ZNF721: variants seen among roughly 807,000 people sequenced by gnomAD.
The protein encoded by ZNF721 is zinc finger protein 721.
In ZNF721, 2 loss-of-function variants were observed where a neutral mutation model predicts 2.4. That is an observed-to-expected ratio of 0.82 (90% confidence interval 0.34 to 2.58). ZNF721 has a LOEUF of 2.58. Ranked by LOEUF, ZNF721 falls within the 30% of genes most tolerant of loss-of-function variation. The pLI is 0.11. For synonymous variants in ZNF721, 398 were observed against 381.8 expected, an observed-to-expected ratio of 1.04 and a Z score of -0.50; for missense variants, 1,187 against 1,085.5, an observed-to-expected ratio of 1.09 and a Z score of -1.31.
intron 1 of ZNF721, among the ~76,000 whole-genome samples, chr4:485,551 C>T (rs1307711388): frequency 3.9e-5 from 6 of 152,148 alleles, no homozygotes; most frequent in Admixed American, 3.9e-4. Context: ...ACAGCAAACA[C>T]TTTTCACATT....
intron 1 of ZNF721, among the ~76,000 whole-genome samples, chr4:490,066 G>A (rs1467764035): frequency 1.3e-5 from 2 of 151,894 alleles, no homozygotes; most frequent in South Asian, 2.1e-4. Context: ...CACCATGTTG[G>A]CCAGGATGGT....
At chr4:486,791 C>T (rs1166245193) in intron 1 of ZNF721, among the ~76,000 whole-genome samples, 5 of 152,192 alleles carry the variant, frequency 3.3e-5, no homozygotes, top group Non-Finnish European at 4.4e-5. Context: ...ACATTAATTT[C>T]CTAAACCCAA....
chr4:494,182 T>A (rs919989596), intron 1 of ZNF721, among the ~76,000 whole-genome samples: 12 of 150,946 alleles, frequency 7.9e-5, no homozygotes, highest in Non-Finnish European at 1.2e-4. Context: ...TGGAAGTACA[T>A]CTTTTTTTTT....
chr4:443,910 A>C lies in ZNF721; in HGVS notation c.557T>G (p.Ile186Ser), dbSNP rs1365626364. The part of the protein sequence containing the change: ...RSTNLTAHKR[I>S]HNREKAYTGE... Reference sequence around the variant, plus strand: ...TGTGTAAGCTTTCTCTCTGTTGTGAATTCTCTTATGTGCAGTAAGGTTTGT... The same window carrying C: ...TGTGTAAGCTTTCTCTCTGTTGTGACTTCTCTTATGTGCAGTAAGGTTTGT... Residue 186 changes from isoleucine to serine, a missense_variant, in exon 3 of 3, where the codon ATT (isoleucine) becomes AGT (serine). By Grantham distance (142) the Ile-to-Ser change is moderately radical. Transcript: ENST00000511833. The C allele has an allele frequency of 2.5e-6, 4 of 1,613,858 alleles. No individual in the cohort carries two copies. The highest frequency in any genetic ancestry group is 3.4e-6 in the Non-Finnish European group (4 of 1,179,994).
intron 2 of ZNF721, among the ~76,000 whole-genome samples, chr4:469,500 T>C (rs1715361943): frequency 6.6e-6 from 1 of 152,182 alleles, no homozygotes; most frequent in Admixed American, 6.5e-5. Flanking sequence ...AAGTATATTA[T>C]CGAAAGTGAT....
intron 1 of ZNF721, among the ~76,000 whole-genome samples, chr4:475,393 C>G (rs1051833686): frequency 1.3e-5 from 2 of 152,082 alleles, no homozygotes; most frequent in African/African-American, 4.8e-5. Flanking sequence ...TATGCCCCTC[C>G]TAGATTTAAA....
At chr4:497,242 A>T (rs1355352023) in intron 1 of ZNF721, among the ~76,000 whole-genome samples, 1 of 151,952 alleles carries the variant, frequency 6.6e-6, no homozygotes, top group Non-Finnish European at 1.5e-5. Context: ...AACAGCAAAT[A>T]AACCTCAGAC....
intron 2 of ZNF721, among the ~76,000 whole-genome samples, chr4:465,389 T>C (rs1435881938): frequency 6.6e-6 from 1 of 151,440 alleles, no homozygotes; most frequent in Non-Finnish European, 1.5e-5. Flanking sequence ...CCTATGTGAA[T>C]AAAAAAGAAG....
intron 1 of ZNF721, among the ~76,000 whole-genome samples, chr4:480,915 C>G (rs1250019174): frequency 1.3e-5 from 2 of 150,744 alleles, no homozygotes; most frequent in Non-Finnish European, 2.9e-5. Context: ...AATGGAATTG[C>G]TGGATTGTAT....
At chr4:456,469 A>T (rs1303424457) in intron 2 of ZNF721, among the ~76,000 whole-genome samples, 3 of 152,246 alleles carry the variant, frequency 2.0e-5, no homozygotes, top group Middle Eastern at 6.3e-3. Flanking sequence ...TGAATTATAC[A>T]TATATTTTAA....
Position 442,533 on chromosome 4 carries a change from T to C in ZNF721, c.1934A>G (p.Glu645Gly), listed in dbSNP as rs114280700. The C allele has an allele frequency of 6.2e-7, 1 of 1,613,956 alleles. No homozygotes were observed. Among genetic ancestry groups the C allele is most frequent in the Non-Finnish European group, 8.5e-7 (1 of 1,179,854 alleles). Reference sequence around the variant, plus strand: ...TGATGGGGCAAAGGCTTTGCCACACTCTTCACATTTGTAAGGTTTCTCCCC... The same window carrying C: ...TGATGGGGCAAAGGCTTTGCCACACCCTTCACATTTGTAAGGTTTCTCCCC... ...YTGEKPYKCEECGKAFAPSTD... is the reference protein window; with the variant it reads ...YTGEKPYKCEGCGKAFAPSTD... Residue 645 changes from glutamate to glycine, a missense_variant, in exon 3 of 3, where the codon GAG becomes GGG. By Grantham distance (98) the Glu-to-Gly change is moderately conservative. Coordinates refer to ENST00000511833, the MANE Select transcript of ZNF721 (RefSeq NM_133474.4).
chr4:465,500 C>T (rs1190432326), intron 2 of ZNF721, among the ~76,000 whole-genome samples: 6 of 150,826 alleles, frequency 4.0e-5, no homozygotes, highest in Admixed American at 6.6e-5. Context: ...GGTGCCATCT[C>T]GGCTTACTGC....
intron 2 of ZNF721, among the ~76,000 whole-genome samples, chr4:456,120 G>T (rs1714841543): frequency 1.3e-5 from 2 of 151,494 alleles, no homozygotes; most frequent in Non-Finnish European, 2.9e-5. Flanking sequence ...ACCCAGGCTG[G>T]AGTGCAGTGG....
At chr4:465,383 T>C (rs967883004) in intron 2 of ZNF721, among the ~76,000 whole-genome samples, 1 of 151,822 alleles carries the variant, frequency 6.6e-6, no homozygotes, top group Non-Finnish European at 1.5e-5. Context: ...CAAGACCCTA[T>C]GTGAATAAAA....
Position 442,610 on chromosome 4 carries a change from G to T in ZNF721, c.1857C>A (p.Gly619=). 6.2e-7 allele frequency: 1 copy of T among 1,613,706 alleles called. No individual in the cohort carries two copies. The highest frequency in any genetic ancestry group is 1.7e-5 in the Admixed American group (1 of 59,982). The change falls in exon 3 of 3, where the codon GGC becomes GGA. Residue 619 remains glycine (G), a synonymous_variant. Transcript: ENST00000511833. Reference sequence around the variant, plus strand: ...GGTCCGTGTACCATACAAAGTCTTTGCCACACTCTTCACATTTGTAAAGTT... The same window carrying T: ...GGTCCGTGTACCATACAAAGTCTTTTCCACACTCTTCACATTTGTAAAGTT... ...GEKLYKCEEC[G]KDFVWYTDLN... is the part of the protein sequence containing the mutation.
chr4:452,946 A>C (rs1189602087), intron 2 of ZNF721, among the ~76,000 whole-genome samples: 1 of 152,254 alleles, frequency 6.6e-6, no homozygotes, highest in East Asian at 1.9e-4. Context: ...CAAAGGGGAT[A>C]CTGCTTTTGC....
At chr4:472,782 G>A (rs1715479618) in intron 1 of ZNF721, 81 bp from the exon 2 acceptor site, 3 of 1,561,570 alleles carry the variant, frequency 1.9e-6, no homozygotes, top group African/African-American at 1.4e-5. Flanking sequence ...GTTCTGACAT[G>A]TGACTGACTG....
intron 1 of ZNF721, among the ~76,000 whole-genome samples, chr4:485,531 C>A (rs574705180): frequency 1.3e-5 from 2 of 152,182 alleles, no homozygotes; most frequent in South Asian, 4.1e-4. Context: ...GACTGAAAGG[C>A]CGCAACTCAA....
At chr4:477,879 A>T (rs537640210) in intron 1 of ZNF721, among the ~76,000 whole-genome samples, 2 of 152,284 alleles carry the variant, frequency 1.3e-5, no homozygotes, top group South Asian at 4.1e-4. Context: ...ATTAGATAGG[A>T]CTGCTATAGA....
Sources: allele counts gnomAD v4.1 joint callset (sites outside exome capture counted in the v4.1 genomes callset), GRCh38; gene constraint gnomAD v4.1.1; transcripts MANE v1.5; gene names NCBI Gene and HGNC (gene_info 2026-07-23, HGNC 2026-07-21).